Variants in FAM117B observed in about 807,000 individuals in gnomAD.
FAM117B encodes protein FAM117B.
In FAM117B, 22 loss-of-function variants were observed where a neutral mutation model predicts 52.8. The observed-to-expected ratio is 0.42, with a 90% CI of 0.30 to 0.59. FAM117B has a LOEUF of 0.59. Ranked by LOEUF, FAM117B falls within the 20% of genes least tolerant of loss-of-function variation. The probability of loss-of-function intolerance (pLI) is 0.22; values close to 1 mark genes in which losing one functional copy is unlikely to be tolerated. For synonymous variants in FAM117B, 309 were observed against 324.1 expected, an observed-to-expected ratio of 0.95 and a Z score of 0.50; for missense variants, 678 against 802.6, an observed-to-expected ratio of 0.84 and a Z score of 1.88.
rs34605625 is a variant in FAM117B, at chr2:202,732,873, T to TA, written c.960+6524dup. On this transcript the variant is annotated intron_variant, in intron 4 of 7. Transcript: ENST00000392238. ...AAATAAATAAAAGAAAACATGCTAGTAAAAAAAAAAAAAAGACACAAAAGG... is the reference window on the plus strand; with the variant it reads ...AAATAAATAAAAGAAAACATGCTAGTAAAAAAAAAAAAAAAGACACAAAAGG... Among the ~76,000 whole-genome samples, 225 of 132,352 alleles carry TA rather than the reference T, an allele frequency of 1.7e-3. 2 individuals are homozygous for TA. Among genetic ancestry groups the TA allele is most frequent in the South Asian group, 0.011 (49 of 4,278 alleles). 86.8% of individuals were successfully genotyped at this position (132,352 alleles called of 152,430 possible). A position where few individuals can be genotyped will look rare whatever the true frequency, so the allele number is the denominator to read the frequency against.
chr2:202,674,199 T>A (rs1378460181), intron 1 of FAM117B, among the ~76,000 whole-genome samples: 1 of 152,206 alleles, frequency 6.6e-6, no homozygotes, highest in East Asian at 1.9e-4. Flanking sequence ...ATGTATAAAA[T>A]TGTCTATCAA....
intron 2 of FAM117B, among the ~76,000 whole-genome samples, chr2:202,719,935 A>G (rs1014617397): frequency 6.6e-6 from 1 of 152,068 alleles, no homozygotes; most frequent in Non-Finnish European, 1.5e-5. Flanking sequence ...AATTTGTTAC[A>G]TTTTTGTTAG....
At chr2:202,649,975 C>T (rs918765551) in intron 1 of FAM117B, among the ~76,000 whole-genome samples, 5 of 152,088 alleles carry the variant, frequency 3.3e-5, no homozygotes, top group South Asian at 2.1e-4. Context: ...TCAAGTGATT[C>T]TCCCGCCTTT....
chr2:202,666,831 G>C (rs1395547130), intron 1 of FAM117B, among the ~76,000 whole-genome samples: 3 of 151,802 alleles, frequency 2.0e-5, no homozygotes, highest in African/African-American at 7.2e-5. Flanking sequence ...AGTTTTAGTA[G>C]AGATAGGGTT....
chr2:202,659,396 A>G (rs1417869268), intron 1 of FAM117B, among the ~76,000 whole-genome samples: 2 of 150,852 alleles, frequency 1.3e-5, no homozygotes, highest in African/African-American at 2.4e-5. Flanking sequence ...TGCAGCCTCT[A>G]CCTCCTGGGC....
At chr2:202,723,389 A>C (rs1294059035) in intron 2 of FAM117B, among the ~76,000 whole-genome samples, 1 of 152,186 alleles carries the variant, frequency 6.6e-6, no homozygotes, top group Non-Finnish European at 1.5e-5. Context: ...AAGGGTATAC[A>C]CTAAGGGTCT....
chr2:202,693,058 GT>G (rs1438854995), intron 1 of FAM117B, among the ~76,000 whole-genome samples: 1 of 152,112 alleles, frequency 6.6e-6, no homozygotes, highest in African/African-American at 2.4e-5. Flanking sequence ...GTAGGCTGTA[GT>G]TTTCCCAACC....
intron 4 of FAM117B, among the ~76,000 whole-genome samples, chr2:202,750,902 G>T (rs1276474000): frequency 6.6e-6 from 1 of 152,166 alleles, no homozygotes; most frequent in African/African-American, 2.4e-5. Flanking sequence ...GGCAAAGGAA[G>T]AATGTTCTTT....
chr2:202,674,584 T>C (rs1690348242), intron 1 of FAM117B, among the ~76,000 whole-genome samples: 1 of 152,226 alleles, frequency 6.6e-6, no homozygotes, highest in South Asian at 2.1e-4. Context: ...TACCAACGTC[T>C]TGAGTTGCTG....
At chr2:202,762,188 T>G (rs1005231608) in intron 7 of FAM117B, among the ~76,000 whole-genome samples, 1 of 152,316 alleles carries the variant, frequency 6.6e-6, no homozygotes, top group Admixed American at 6.5e-5. Context: ...AGAATACTTT[T>G]CTCACTAAGT....
At chr2:202,696,857 C>G (rs1690719008) in intron 2 of FAM117B, among the ~76,000 whole-genome samples, 1 of 152,162 alleles carries the variant, frequency 6.6e-6, no homozygotes, top group African/African-American at 2.4e-5. Context: ...CTTTTGAACC[C>G]AGGAGTTCAG....
At chr2:202,638,001 C>A (rs1291493125) in intron 1 of FAM117B, among the ~76,000 whole-genome samples, 1 of 151,836 alleles carries the variant, frequency 6.6e-6, no homozygotes, top group Non-Finnish European at 1.5e-5. Context: ...CTCAGCCTCC[C>A]GAGTAGCTGG....
At chr2:202,655,049 C>G (rs1314288870) in intron 1 of FAM117B, among the ~76,000 whole-genome samples, 1 of 151,506 alleles carries the variant, frequency 6.6e-6, no homozygotes, top group Non-Finnish European at 1.5e-5. Flanking sequence ...AATGCTTTTT[C>G]TGGAGTAGAT....
chr2:202,678,139 A>G lies in FAM117B; in HGVS notation c.602-17742A>G, dbSNP rs142312025. Among the ~76,000 whole-genome samples the G allele has an allele frequency of 5.0e-3, 756 of 152,322 alleles. 6 individuals are homozygous for G. Among genetic ancestry groups the G allele is most frequent in the African/African-American group, 0.017 (712 of 41,568 alleles). On this transcript the variant is annotated intron_variant, in intron 1 of 7. Coordinates refer to ENST00000392238, the MANE Select transcript of FAM117B (RefSeq NM_173511.4). ...CAGCTCTGATGAGTGGAGGGACACC[A>G]GGGTCCTTAGTCTCGCACTGAATTG... is the stretch of plus-strand genomic sequence containing the variant.
At chr2:202,686,220 C>T (rs188653181) in intron 1 of FAM117B, among the ~76,000 whole-genome samples, 93 of 152,272 alleles carry the variant, frequency 6.1e-4, no homozygotes, top group African/African-American at 2.2e-3. Context: ...TGAACCATTG[C>T]TCATCTACTA....
chr2:202,681,567 A>C (rs569581350), intron 1 of FAM117B, among the ~76,000 whole-genome samples: 7 of 152,242 alleles, frequency 4.6e-5, no homozygotes, highest in African/African-American at 1.7e-4. Context: ...CAAAATGACA[A>C]GGGGGTTAAT....
chr2:202,695,792 T>G, intron 1 of FAM117B, 89 bp from the exon 2 acceptor site: 1 of 1,379,592 alleles, frequency 7.2e-7, no homozygotes, highest in Non-Finnish European at 9.7e-7. Context: ...ATAGTTAAGT[T>G]GGAGAACTTT....
intron 1 of FAM117B, among the ~76,000 whole-genome samples, chr2:202,688,640 C>A (rs1480330066): frequency 6.6e-6 from 1 of 151,788 alleles, no homozygotes; most frequent in Non-Finnish European, 1.5e-5. Flanking sequence ...ATATAAATTA[C>A]CAGTAAAAGT....
chr2:202,664,146 T>C (rs1270414944), intron 1 of FAM117B, among the ~76,000 whole-genome samples: 1 of 152,244 alleles, frequency 6.6e-6, no homozygotes, highest in East Asian at 1.9e-4. Context: ...TAATAACTAA[T>C]TATCCCATGA....
Sources: gnomAD v4.1 joint callset for allele counts (sites outside exome capture counted in the v4.1 genomes callset) on GRCh38, gnomAD v4.1.1 for gene constraint, MANE v1.5 for transcripts, NCBI Gene and HGNC (gene_info 2026-07-23, HGNC 2026-07-21) for gene names.